The following LAMA2 variants were observed in gnomAD, a reference collection of about 807,000 sequenced individuals.
LAMA2 encodes the protein laminin subunit alpha-2.
Under a neutral mutation model 364.8 loss-of-function variants are expected in LAMA2, and 269 were observed. That is an observed-to-expected ratio of 0.74 (90% confidence interval 0.67 to 0.82). The LOEUF (loss-of-function observed/expected upper bound fraction) is 0.82, where lower values mean the gene tolerates loss of function less well. Ranked by LOEUF, LAMA2 falls within the 40% of genes least tolerant of loss-of-function variation. The pLI, the probability that LAMA2 is intolerant of heterozygous loss-of-function variation, is 0.00. For missense variants in LAMA2, 3,807 were observed against 3,873.2 expected (o/e 0.98, Z 0.45); for synonymous variants, 1,379 against 1,370.6 (o/e 1.01, Z -0.14).
intron 56 of LAMA2, chr6:129,491,073 A>T (rs1784836896): frequency 6.6e-6 from 1 of 152,206 alleles, no homozygotes; most frequent in South Asian, 2.1e-4. Context: ...TTCTCTCCAG[A>T]TATGAAGTAA....
At chr6:129,010,531 A>G (rs976219351) in intron 1 of LAMA2, among the ~76,000 whole-genome samples, 7 of 152,192 alleles carry the variant, frequency 4.6e-5, no homozygotes, top group Non-Finnish European at 1.0e-4. Flanking sequence ...ATTTAAATTC[A>G]ACATATCTTT....
At chr6:129,297,410 C>A (rs1773253396) in intron 20 of LAMA2, among the ~76,000 whole-genome samples, 1 of 152,108 alleles carries the variant, frequency 6.6e-6, no homozygotes, top group Non-Finnish European at 1.5e-5. Flanking sequence ...TTGAGAAGTA[C>A]TGGGACAGGC....
intron 35 of LAMA2, among the ~76,000 whole-genome samples, chr6:129,388,739 A>T (rs2114666709): frequency 6.6e-6 from 1 of 152,294 alleles, no homozygotes; most frequent in South Asian, 2.1e-4. Context: ...ATACAGCTTT[A>T]GCAGGTTGGG....
At position 129,314,668 on chromosome 6, in the gene LAMA2, G is replaced by C. The variant is rs552630448; in HGVS notation, c.3425G>C (p.Gly1142Ala). ...GQCTCKVNVE[G>A]IHCDRCRPGK... ...GTCTTTCCTCAGGTGAATGTGGAAG[G>C]CATCCACTGTGACAGATGCCGGCCT... The change falls in exon 24 of 65, where the codon GGC becomes GCC. Residue 1142 changes from glycine to alanine, a missense_variant. By Grantham distance (60) the Gly-to-Ala change is moderately conservative (BLOSUM62 0). Coordinates refer to ENST00000421865, the MANE Select transcript of LAMA2 (RefSeq NM_000426.4). 70 of 1,613,562 alleles carry C rather than the reference G, an allele frequency of 4.3e-5. No individual in the cohort carries two copies. In the East Asian group the frequency reaches 1.5e-3, roughly 35 times the overall value.
chr6:129,006,243 G>A (rs1582858419), intron 1 of LAMA2, among the ~76,000 whole-genome samples: 1 of 151,978 alleles, frequency 6.6e-6, no homozygotes, highest in Non-Finnish European at 1.5e-5. Context: ...CATTTCATTT[G>A]GTGTTAACAT....
chr6:129,475,484 G>A, intron 53 of LAMA2, 83 bp downstream of exon 53: 3 of 952,028 alleles, frequency 3.2e-6, no homozygotes, highest in South Asian at 1.4e-5. Context: ...CCGTGCAGAA[G>A]CAGAGCAACA....
chr6:129,184,157 T>C (rs1781095462), intron 10 of LAMA2, among the ~76,000 whole-genome samples: 1 of 151,986 alleles, frequency 6.6e-6, no homozygotes, highest in Non-Finnish European at 1.5e-5. Flanking sequence ...AGGATTTTTA[T>C]GGTGTGTTAA....
chr6:128,940,681 G>T (rs1780097737), intron 1 of LAMA2, among the ~76,000 whole-genome samples: 1 of 152,186 alleles, frequency 6.6e-6, no homozygotes, highest in Admixed American at 6.5e-5. Context: ...GCTGGACGTG[G>T]TAGCTCACAC....
chr6:128,905,804 TC>T, intron 1 of LAMA2, among the ~76,000 whole-genome samples: 1 of 150,634 alleles, frequency 6.6e-6, no homozygotes, highest in Non-Finnish European at 1.5e-5. Flanking sequence ...CCCACAACAG[TC>T]CCCAGAGTGT....
intron 1 of LAMA2, among the ~76,000 whole-genome samples, chr6:128,987,980 T>A (rs1229353179): frequency 6.6e-6 from 1 of 152,132 alleles, no homozygotes; most frequent in Non-Finnish European, 1.5e-5. Context: ...ATTCAAGTGA[T>A]TCTCCTCCCA....
rs115907207 is a variant in LAMA2, at chr6:129,091,258, T to G, written c.397-6915T>G. ...GTCCCTTGAAGAGTTAGGCATTGAT[T>G]TAAACCCTTTTGAAAAACAATTTCA... On this transcript the variant is annotated intron_variant, in intron 3 of 64. Coordinates refer to ENST00000421865, the MANE Select transcript of LAMA2 (RefSeq NM_000426.4). Among the ~76,000 whole-genome samples the G allele has an allele frequency of 8.2e-3, 1,251 of 152,300 alleles. 18 individuals are homozygous for G. The highest frequency in any genetic ancestry group is 0.029 in the African/African-American group (1,186 of 41,550).
chr6:129,477,095 C>T (rs373330674), intron 53 of LAMA2, among the ~76,000 whole-genome samples: 84 of 152,262 alleles, frequency 5.5e-4, no homozygotes, highest in African/African-American at 1.7e-3. Context: ...CAGTTTTTAC[C>T]GATGCTGATT....
intron 4 of LAMA2, among the ~76,000 whole-genome samples, chr6:129,134,045 T>C (rs1777648441): frequency 6.6e-6 from 1 of 152,222 alleles, no homozygotes; most frequent in Non-Finnish European, 1.5e-5. Flanking sequence ...ATTTTATTTT[T>C]ATTTTAAACA....
chr6:129,238,185 A>AG (rs1785132037), intron 12 of LAMA2, among the ~76,000 whole-genome samples: 1 of 151,508 alleles, frequency 6.6e-6, no homozygotes, highest in African/African-American at 2.4e-5. Context: ...AAAAAAAAAA[A>AG]GGAAGAGAGA....
At chr6:129,233,947 T>G (rs1462317906) in intron 12 of LAMA2, among the ~76,000 whole-genome samples, 2 of 152,206 alleles carry the variant, frequency 1.3e-5, no homozygotes, top group African/African-American at 2.4e-5. Flanking sequence ...TGAAAAATGT[T>G]GTGAGACAAA....
chr6:128,961,332 T>TATATAG lies in LAMA2; in HGVS notation c.112+77980_112+77981insGATATA, dbSNP rs1554335576. On this transcript the variant is annotated intron_variant, in intron 1 of 64. Coordinates refer to ENST00000421865, the MANE Select transcript of LAMA2 (RefSeq NM_000426.4). ...AGAACTAATATGATATATATATATA[T>TATATAG]ATATATATATATATATATATATATA... 9.5e-4 allele frequency among the ~76,000 whole-genome samples: 35 copies of TATATAG among 36,994 alleles called. 1 individual carries two copies. The highest frequency in any genetic ancestry group is 1.5e-3 in the Non-Finnish European group (32 of 20,780). The allele number at this position is 36,994 out of a possible 152,430, so 24.3% of individuals were successfully genotyped here. A position where few individuals can be genotyped will look rare whatever the true frequency, so the allele number is the denominator to read the frequency against.
intron 7 of LAMA2, among the ~76,000 whole-genome samples, chr6:129,149,426 C>A (rs559996285): frequency 1.4e-4 from 21 of 152,170 alleles, no homozygotes; most frequent in African/African-American, 3.1e-4. Context: ...AGTATGAAGT[C>A]CAATTCAACT....
intron 8 of LAMA2, among the ~76,000 whole-genome samples, chr6:129,159,539 A>G (rs1270936477): frequency 6.6e-6 from 1 of 152,230 alleles, no homozygotes; most frequent in Non-Finnish European, 1.5e-5. Context: ...TATTAATTCT[A>G]GTAGTTTTAA....
intron 1 of LAMA2, among the ~76,000 whole-genome samples, chr6:128,969,062 C>T (rs1782027696): frequency 6.6e-6 from 1 of 152,118 alleles, no homozygotes; most frequent in African/African-American, 2.4e-5. Context: ...ACAGCTTCCT[C>T]CTCAGTTACT....
Sources: gnomAD v4.1 joint callset for allele counts (sites outside exome capture counted in the v4.1 genomes callset) on GRCh38, gnomAD v4.1.1 for gene constraint, MANE v1.5 for transcripts, NCBI Gene and HGNC (gene_info 2026-07-23, HGNC 2026-07-21) for gene names.